EPHA3: variants seen among roughly 807,000 people sequenced by gnomAD.
EPHA3 encodes EPH receptor A3.
In EPHA3, 42 loss-of-function variants were observed where a neutral mutation model predicts 107.1. The ratio of observed to expected loss-of-function variants is 0.39; its 90% CI spans 0.31 to 0.51. The LOEUF (loss-of-function observed/expected upper bound fraction) is 0.51, where lower values mean the gene tolerates loss of function less well. Ranked by LOEUF, EPHA3 falls within the 20% of genes least tolerant of loss-of-function variation. The pLI is 0.78. For synonymous variants in EPHA3, 461 were observed against 424.8 expected (o/e 1.09, Z -1.05); for missense variants, 1,183 against 1,211.2 (o/e 0.98, Z 0.35).
chr3:89,132,954 T>C (rs1365331939), intron 2 of EPHA3, among the ~76,000 whole-genome samples: 2 of 152,160 alleles, frequency 1.3e-5, no homozygotes, highest in Non-Finnish European at 2.9e-5. Flanking sequence ...GGAATTAGAG[T>C]AATTCCTATG....
intron 3 of EPHA3, among the ~76,000 whole-genome samples, chr3:89,258,067 G>A (rs1422206617): frequency 6.6e-6 from 1 of 152,168 alleles, no homozygotes; most frequent in East Asian, 1.9e-4. Flanking sequence ...GCTGCTCTAT[G>A]CCTCATGCTA....
chr3:89,176,677 C>A lies in EPHA3; in HGVS notation c.154-33183C>A, dbSNP rs112672111. ...AAAGCATCTTACACATATTAACAGT[C>A]TTAAATCTTATTTAGAATCATAGTG... is the stretch of plus-strand genomic sequence containing the variant. On this transcript the variant is annotated intron_variant, in intron 2 of 16. Coordinates refer to ENST00000336596, the MANE Select transcript of EPHA3 (RefSeq NM_005233.6). 8.5e-3 allele frequency among the ~76,000 whole-genome samples: 1,298 copies of A among 152,070 alleles called. 18 individuals are homozygous for A. The highest frequency in any genetic ancestry group is 0.026 in the African/African-American group (1,087 of 41,484).
chr3:89,256,242 C>T (rs1287783748), intron 3 of EPHA3, among the ~76,000 whole-genome samples: 1 of 151,098 alleles, frequency 6.6e-6, no homozygotes, highest in African/African-American at 2.4e-5. Context: ...TAGAGTGAGA[C>T]TCTCTCTCAA....
rs67054298 is a variant in EPHA3, at chr3:89,136,330, C to CTTTTTTTTTTTTTTTTTTT, written c.153+9063_153+9081dup. Among the ~76,000 whole-genome samples the CTTTTTTTTTTTTTTTTTTT allele has an allele frequency of 7.7e-4, 18 of 23,382 alleles. 3 individuals are homozygous for CTTTTTTTTTTTTTTTTTTT. Among genetic ancestry groups the CTTTTTTTTTTTTTTTTTTT allele is most frequent in the Admixed American group, 1.7e-3 (2 of 1,164 alleles). 15.3% of individuals were successfully genotyped at this position (23,382 alleles called of 152,430 possible). A position where few individuals can be genotyped will look rare whatever the true frequency, so the allele number is the denominator to read the frequency against. On this transcript the variant is annotated intron_variant, in intron 2 of 16. Coordinates refer to ENST00000336596, the MANE Select transcript of EPHA3 (RefSeq NM_005233.6). ...GAAAAACATGGCAAAATCTTACAGGCTTTTTTTTTTTTTTTTTTTTTTTTG... is the reference window on the plus strand; with the variant it reads ...GAAAAACATGGCAAAATCTTACAGGCTTTTTTTTTTTTTTTTTTTTTTTTTTTTTTTTTTTTTTTTTTTG...
In EPHA3 at chr3:89,351,227, C is replaced by T. The variant is rs868464766; in HGVS notation, c.1306+9137C>T. The stretch of plus-strand genomic sequence containing the variant: ...GCCCCTCCCCCAGCCTCGCTGCTGC[C>T]TTGCAGTTTGATCTCAGACTGCTGT... On this transcript the variant is annotated intron_variant, in intron 5 of 16. Coordinates refer to ENST00000336596, the MANE Select transcript of EPHA3 (RefSeq NM_005233.6). Among the ~76,000 whole-genome samples, 6 of 151,248 alleles carry T rather than the reference C, an allele frequency of 4.0e-5. 1 individual carries two copies. Among genetic ancestry groups the T allele is most frequent in the African/African-American group, 1.5e-4 (6 of 41,362 alleles).
In EPHA3 at chr3:89,379,768, T is replaced by G. The variant is rs545746836; in HGVS notation, c.1307-16069T>G. Among the ~76,000 whole-genome samples the G allele has an allele frequency of 2.6e-5, 4 of 152,322 alleles. No homozygotes were observed. In the South Asian group the frequency reaches 8.3e-4, roughly 32 times the overall value. ...ATACAATGACCAACCAAAATTATTC[T>G]TATTTTCTGAAATACTATATTGTCC... On this transcript the variant is annotated intron_variant, in intron 5 of 16. Coordinates refer to ENST00000336596, the MANE Select transcript of EPHA3 (RefSeq NM_005233.6).
intron 2 of EPHA3, among the ~76,000 whole-genome samples, chr3:89,160,581 T>C (rs1672579048): frequency 7.3e-6 from 1 of 136,374 alleles, no homozygotes; most frequent in South Asian, 2.3e-4. Flanking sequence ...TGTGTGTGTG[T>C]GTGTGTGTGC....
intron 5 of EPHA3, among the ~76,000 whole-genome samples, chr3:89,350,160 G>A (rs958149935): frequency 3.0e-4 from 46 of 150,832 alleles, no homozygotes; most frequent in African/African-American, 1.1e-3. Flanking sequence ...GTGAACGTTG[G>A]CCTGCCTTGC....
intron 3 of EPHA3, among the ~76,000 whole-genome samples, chr3:89,323,816 T>A (rs562330862): frequency 6.6e-6 from 1 of 152,268 alleles, no homozygotes; most frequent in Non-Finnish European, 1.5e-5. Flanking sequence ...ACATAGAAAT[T>A]ATGTATTTCT....
At position 89,233,887 on chromosome 3, in the gene EPHA3, A is replaced by T. The variant is rs574559412; in HGVS notation, c.814+23367A>T. Among the ~76,000 whole-genome samples the T allele has an allele frequency of 5.9e-5, 9 of 152,340 alleles. No homozygotes were observed. The South Asian group carries it at 1.7e-3, about 28-fold the overall frequency. On this transcript the variant is annotated intron_variant, in intron 3 of 16. Transcript: ENST00000336596. ...GTATCAGGTGCTTATAAACCAAATT[A>T]CTAGTGTCATAGTTAAGTGACTGAG...
chr3:89,470,826 G>A (rs1309260779), intron 15 of EPHA3, among the ~76,000 whole-genome samples: 8 of 152,104 alleles, frequency 5.3e-5, no homozygotes, highest in Non-Finnish European at 7.4e-5. Flanking sequence ...ACTTAGCTTC[G>A]TAACTTAATG....
At chr3:89,196,965 A>G (rs1414286519) in intron 2 of EPHA3, among the ~76,000 whole-genome samples, 1 of 152,158 alleles carries the variant, frequency 6.6e-6, no homozygotes, top group Non-Finnish European at 1.5e-5. Context: ...CAAAAGTATT[A>G]CAATAACCTC....
At chr3:89,291,587 G>C (rs551373852) in intron 3 of EPHA3, among the ~76,000 whole-genome samples, 1 of 152,134 alleles carries the variant, frequency 6.6e-6, no homozygotes, top group Non-Finnish European at 1.5e-5. Flanking sequence ...GGATTCTTGA[G>C]TAGTAAAATC....
chr3:89,218,127 T>C (rs1165425496), intron 3 of EPHA3, among the ~76,000 whole-genome samples: 1 of 151,886 alleles, frequency 6.6e-6, no homozygotes, highest in East Asian at 1.9e-4. Context: ...TAAAGCATCT[T>C]GGATTTTATT....
intron 10 of EPHA3, among the ~76,000 whole-genome samples, chr3:89,414,985 A>G (rs563639725): frequency 4.0e-5 from 6 of 151,770 alleles, no homozygotes; most frequent in Admixed American, 2.6e-4. Context: ...CACATTTGCC[A>G]TGTTAAGAAC....
chr3:89,425,678 A>G (rs1273768817), intron 11 of EPHA3, among the ~76,000 whole-genome samples: 3 of 151,598 alleles, frequency 2.0e-5, no homozygotes, highest in Non-Finnish European at 4.4e-5. Flanking sequence ...AGTTTGTTAG[A>G]AAATTTCAAA....
intron 3 of EPHA3, among the ~76,000 whole-genome samples, chr3:89,264,456 T>G (rs1379027888): frequency 6.6e-6 from 1 of 152,088 alleles, no homozygotes; most frequent in East Asian, 1.9e-4. Flanking sequence ...AACTCCTACC[T>G]CCCTCGTACC....
chr3:89,420,303 T>A (rs7632502), intron 11 of EPHA3, among the ~76,000 whole-genome samples: 68,859 of 151,182 alleles, frequency 0.46, 16,942 homozygotes, highest in African/African-American at 0.63. Context: ...CTTTACCATT[T>A]TATAGAGCAT....
chr3:89,110,605 TA>T (rs1707080516), intron 1 of EPHA3, among the ~76,000 whole-genome samples: 1 of 152,000 alleles, frequency 6.6e-6, no homozygotes, highest in African/African-American at 2.4e-5. Flanking sequence ...CAGAACTTTA[TA>T]AAAACTTTAT....
Sources: gnomAD v4.1 joint callset for allele counts (sites outside exome capture counted in the v4.1 genomes callset) on GRCh38, gnomAD v4.1.1 for gene constraint, MANE v1.5 for transcripts, NCBI Gene and HGNC (gene_info 2026-07-23, HGNC 2026-07-21) for gene names.